The following KCNT2 variants were observed in gnomAD, a reference collection of about 807,000 sequenced individuals.
KCNT2 encodes the protein potassium channel subfamily T member 2.
In KCNT2, 67 loss-of-function variants were observed where a neutral mutation model predicts 153.8. That is an observed-to-expected ratio of 0.44 (90% CI 0.36 to 0.53). The LOEUF (loss-of-function observed/expected upper bound fraction) is 0.53, where lower values mean the gene tolerates loss of function less well. Ranked by LOEUF, KCNT2 falls within the 20% of genes least tolerant of loss-of-function variation. The pLI is 0.00. For missense variants in KCNT2, 975 were observed against 1,354.8 expected (o/e 0.72, Z 4.40); for synonymous variants, 500 against 458.8 (o/e 1.09, Z -1.15).
chr1:196,549,395 TAA>T lies in KCNT2; in HGVS notation c.96-57056_96-57055del, dbSNP rs1161757450. Among the ~76,000 whole-genome samples the T allele has an allele frequency of 3.3e-3, 508 of 151,920 alleles. 2 individuals carry two copies. Among genetic ancestry groups the T allele is most frequent in the African/African-American group, 0.012 (484 of 41,482 alleles). Reference sequence around the variant, plus strand: ...TAGAGAGTGAGAAGAAGCTACAGAGTAAAAACACATATAATTTTATTATGTGT... The same window carrying T: ...TAGAGAGTGAGAAGAAGCTACAGAGTAAACACATATAATTTTATTATGTGT... On this transcript the variant is annotated intron_variant, in intron 1 of 27. Coordinates refer to ENST00000294725, the MANE Select transcript of KCNT2 (RefSeq NM_198503.5).
At chr1:196,247,566 A>G (rs1655566108) in intron 26 of KCNT2, among the ~76,000 whole-genome samples, 2 of 152,306 alleles carry the variant, frequency 1.3e-5, no homozygotes, top group African/African-American at 4.8e-5. Flanking sequence ...GGAAACTTAC[A>G]ATCATGGCAG....
chr1:196,592,911 ATTAAT>A (rs1663556994), intron 1 of KCNT2, among the ~76,000 whole-genome samples: 1 of 150,272 alleles, frequency 6.7e-6, no homozygotes, highest in Non-Finnish European at 1.5e-5. Context: ...AATTTAATAA[ATTAAT>A]TTAATAAAAT....
intron 1 of KCNT2, among the ~76,000 whole-genome samples, chr1:196,580,027 TAGA>T (rs2148972621): frequency 6.6e-6 from 1 of 152,258 alleles, no homozygotes; most frequent in South Asian, 2.1e-4. Flanking sequence ...TGTGGAAAGG[TAGA>T]ATAAAAAGAT....
chr1:196,251,470 G>A (rs554874307), intron 26 of KCNT2, among the ~76,000 whole-genome samples: 11 of 152,012 alleles, frequency 7.2e-5, no homozygotes, highest in African/African-American at 2.7e-4. Flanking sequence ...TGGAACTGGA[G>A]GTCATTATGT....
chr1:196,432,670 C>G (rs1006748721), intron 8 of KCNT2, among the ~76,000 whole-genome samples: 3 of 152,078 alleles, frequency 2.0e-5, no homozygotes, highest in Non-Finnish European at 2.9e-5. Context: ...ATGCCTGTCT[C>G]ACCATTGTAT....
intron 5 of KCNT2, among the ~76,000 whole-genome samples, chr1:196,474,149 T>A (rs1014218528): frequency 1.3e-5 from 2 of 152,112 alleles, no homozygotes; most frequent in African/African-American, 4.8e-5. Context: ...AATATGCGAT[T>A]TTCTAAAATG....
rs570732386 is a variant in KCNT2 at position 196,264,313 on chromosome 1, C to A, written c.2911-5819G>T. ...TTTTTCATTGTTTTTAATGGTTTGTCTTATTATACTAGAATTCTGGTGATG... is the reference window on the plus strand; with the variant it reads ...TTTTTCATTGTTTTTAATGGTTTGTATTATTATACTAGAATTCTGGTGATG... On this transcript the variant is annotated intron_variant, in intron 25 of 27. Coordinates refer to ENST00000294725, the MANE Select transcript of KCNT2 (RefSeq NM_198503.5). Among the ~76,000 whole-genome samples, 3 of 152,048 alleles carry A rather than the reference C, an allele frequency of 2.0e-5. No homozygotes were observed. The East Asian group carries it at 5.8e-4, about 29-fold the overall frequency.
intron 25 of KCNT2, among the ~76,000 whole-genome samples, chr1:196,269,785 G>A (rs1431663612): frequency 4.6e-5 from 7 of 152,060 alleles, no homozygotes; most frequent in African/African-American, 1.7e-4. Context: ...TACAGGTCAT[G>A]CATCTTGCAT....
intron 1 of KCNT2, among the ~76,000 whole-genome samples, chr1:196,510,994 T>C (rs1681565986): frequency 6.6e-6 from 1 of 152,114 alleles, no homozygotes; most frequent in African/African-American, 2.4e-5. Flanking sequence ...GTTTTAAAAG[T>C]AATTCAAGAT....
chr1:196,602,201 C>G (rs974967246), intron 1 of KCNT2, among the ~76,000 whole-genome samples: 1 of 152,070 alleles, frequency 6.6e-6, no homozygotes, highest in Non-Finnish European at 1.5e-5. Context: ...AAATATTGCT[C>G]AGAAAAAGGC....
At chr1:196,289,901 G>C (rs2147911605) in intron 22 of KCNT2, among the ~76,000 whole-genome samples, 1 of 151,906 alleles carries the variant, frequency 6.6e-6, no homozygotes, top group East Asian at 1.9e-4. Context: ...AATCATTAAA[G>C]ATTTCAGACA....
At chr1:196,387,080 C>T (rs978253273) in intron 13 of KCNT2, among the ~76,000 whole-genome samples, 1 of 151,842 alleles carries the variant, frequency 6.6e-6, no homozygotes, top group Non-Finnish European at 1.5e-5. Flanking sequence ...ATTAATTATG[C>T]TTGATTATTT....
At chr1:196,550,417 A>G (rs1657740159) in intron 1 of KCNT2, among the ~76,000 whole-genome samples, 1 of 151,902 alleles carries the variant, frequency 6.6e-6, no homozygotes, top group Non-Finnish European at 1.5e-5. Context: ...ACCAAGGCAC[A>G]TTTTATGATC....
intron 1 of KCNT2, among the ~76,000 whole-genome samples, chr1:196,574,830 T>C (rs904251297): frequency 6.6e-6 from 1 of 151,860 alleles, no homozygotes; most frequent in African/African-American, 2.4e-5. Flanking sequence ...ATAAGAAGGG[T>C]TTTTTCTTTT....
intron 22 of KCNT2, among the ~76,000 whole-genome samples, chr1:196,291,804 T>C (rs752622260): frequency 3.3e-5 from 5 of 152,168 alleles, no homozygotes; most frequent in Non-Finnish European, 7.4e-5. Context: ...CCAGATATCA[T>C]AGGTCATGGT....
At chr1:196,423,448 A>G (rs1673384539) in intron 11 of KCNT2, among the ~76,000 whole-genome samples, 1 of 151,764 alleles carries the variant, frequency 6.6e-6, no homozygotes, top group African/African-American at 2.4e-5. Context: ...TTTATGATTA[A>G]TAGTATTTTA....
At chr1:196,382,871 T>C (rs545534288) in intron 13 of KCNT2, among the ~76,000 whole-genome samples, 2 of 152,204 alleles carry the variant, frequency 1.3e-5, no homozygotes, top group South Asian at 4.1e-4. Context: ...CATGAGTTTA[T>C]GGTAACACAA....
chr1:196,330,935 T>C (rs1432368277), intron 18 of KCNT2, among the ~76,000 whole-genome samples: 1 of 151,978 alleles, frequency 6.6e-6, no homozygotes, highest in East Asian at 1.9e-4. Flanking sequence ...GACTAGCAGA[T>C]CCAGTAGGCT....
chr1:196,512,107 CT>C (rs1681682411), intron 1 of KCNT2, among the ~76,000 whole-genome samples: 1 of 152,146 alleles, frequency 6.6e-6, no homozygotes, highest in Non-Finnish European at 1.5e-5. Context: ...CGTACTTATT[CT>C]ATCAGCATTA....
Sources: allele counts gnomAD v4.1 joint callset (sites outside exome capture counted in the v4.1 genomes callset), GRCh38; gene constraint gnomAD v4.1.1; transcripts MANE v1.5; gene names NCBI Gene and HGNC (gene_info 2026-07-23, HGNC 2026-07-21).